SNX29: variants seen among roughly 807,000 people sequenced by gnomAD.
SNX29 encodes the protein sorting nexin-29.
In SNX29, 78 loss-of-function variants were observed where a neutral mutation model predicts 102.1. The observed-to-expected ratio is 0.76, with a 90% CI of 0.64 to 0.92. The LOEUF is 0.92. SNX29 is among the 40% of genes least tolerant of loss of function. The pLI is 0.00. For synonymous variants in SNX29, 580 were observed against 414.5 expected, an observed-to-expected ratio of 1.40 and a Z score of -4.85; for missense variants, 1,280 against 1,061.7, an observed-to-expected ratio of 1.21 and a Z score of -2.86.
intron 20 of SNX29, among the ~76,000 whole-genome samples, chr16:12,532,801 G>A (rs943353831): frequency 2.0e-5 from 3 of 152,170 alleles, no homozygotes; most frequent in African/African-American, 7.2e-5. Flanking sequence ...GAGGAGGTGC[G>A]AAAGCTGAAG....
intron 19 of SNX29, among the ~76,000 whole-genome samples, chr16:12,498,707 A>G (rs1348176175): frequency 1.3e-5 from 2 of 152,262 alleles, no homozygotes; most frequent in African/African-American, 4.8e-5. Flanking sequence ...AGCATAAAAG[A>G]GATTCAACTC....
chr16:12,240,095 T>C lies in SNX29; in HGVS notation c.1679-37838T>C, dbSNP rs150954461. Among the ~76,000 whole-genome samples the C allele has an allele frequency of 6.8e-3, 1,041 of 152,370 alleles. 16 individuals are homozygous for C. The highest frequency in any genetic ancestry group is 0.023 in the African/African-American group (975 of 41,588). On this transcript the variant is annotated intron_variant, in intron 14 of 20. Coordinates refer to ENST00000566228, the MANE Select transcript of SNX29 (RefSeq NM_032167.5). The stretch of plus-strand genomic sequence containing the variant: ...TGTGTCTTTAAATATTATCTCTGAA[T>C]GGCCTTAACGGCCGCATGATGTCTC...
intron 1 of SNX29, among the ~76,000 whole-genome samples, chr16:11,998,850 A>G (rs2056182061): frequency 6.6e-6 from 1 of 152,178 alleles, no homozygotes; most frequent in Admixed American, 6.5e-5. Flanking sequence ...TGATAGTGAG[A>G]ACAGCCAGTG....
At chr16:12,537,352 C>G (rs931875516) in intron 20 of SNX29, among the ~76,000 whole-genome samples, 5 of 152,190 alleles carry the variant, frequency 3.3e-5, no homozygotes, top group African/African-American at 1.2e-4. Context: ...TACAGGAGCT[C>G]ATTGGCAACT....
intron 1 of SNX29, among the ~76,000 whole-genome samples, chr16:11,983,131 A>G (rs961740414): frequency 6.6e-6 from 1 of 151,286 alleles, no homozygotes; most frequent in East Asian, 2.0e-4. Flanking sequence ...GGGTTTTGCC[A>G]TGTTGTGCAG....
rs117978424 is a variant in SNX29 at position 12,544,632 on chromosome 16, G to A, written c.2318+19791G>A. Among the ~76,000 whole-genome samples, 57 of 152,330 alleles carry A rather than the reference G, an allele frequency of 3.7e-4. No homozygotes were observed. In the East Asian group the frequency reaches 0.011, roughly 29 times the overall value. On this transcript the variant is annotated intron_variant, in intron 20 of 20. Coordinates refer to ENST00000566228, the MANE Select transcript of SNX29 (RefSeq NM_032167.5). ...GACTCTGCGTCATGCCTTGGGATCG[G>A]CAGGTTCATGTCAGACTGTTTACTT...
At chr16:12,418,713 C>T (rs1156795876) in intron 18 of SNX29, among the ~76,000 whole-genome samples, 1 of 152,120 alleles carries the variant, frequency 6.6e-6, no homozygotes, top group African/African-American at 2.4e-5. Flanking sequence ...CGGGGTTTTG[C>T]CCTGTTGGTT....
intron 19 of SNX29, among the ~76,000 whole-genome samples, chr16:12,493,836 C>G (rs1429250365): frequency 1.3e-5 from 2 of 152,214 alleles, no homozygotes; most frequent in Non-Finnish European, 2.9e-5. Context: ...AGATGATCCA[C>G]CCGCCTCGGC....
chr16:12,328,797 G>T (rs1567443443), intron 15 of SNX29, among the ~76,000 whole-genome samples: 1 of 151,968 alleles, frequency 6.6e-6, no homozygotes, highest in Non-Finnish European at 1.5e-5. Flanking sequence ...TTCTTTAAAT[G>T]ATTTAGGCAA....
At position 12,571,266 on chromosome 16, in the gene SNX29, G is replaced by A. The variant is rs759256422; in HGVS notation, c.*2637G>A. 5 of 232,126 alleles carry A rather than the reference G, an allele frequency of 2.2e-5. No individual in the cohort carries two copies. The highest frequency in any genetic ancestry group is 4.3e-5 in the Non-Finnish European group (5 of 117,362). 14.4% of individuals were successfully genotyped at this position (232,126 alleles called of 1,614,324 possible). On this transcript the variant is annotated 3_prime_UTR_variant, in exon 21 of 21. Coordinates refer to ENST00000566228, the MANE Select transcript of SNX29 (RefSeq NM_032167.5). ...AGAAACACCCAGGCCTAGCAGAATT[G>A]TGGCTGAAACCTGGTGCCCAAATTC...
intron 11 of SNX29, among the ~76,000 whole-genome samples, chr16:12,100,018 G>A (rs928407107): frequency 6.6e-6 from 1 of 152,134 alleles, no homozygotes; most frequent in Non-Finnish European, 1.5e-5. Flanking sequence ...TACTGTTATC[G>A]CCTCTCTCTC....
intron 1 of SNX29, among the ~76,000 whole-genome samples, chr16:11,989,453 C>G (rs184328060): frequency 6.6e-6 from 1 of 152,194 alleles, no homozygotes. Flanking sequence ...CCACTTCACC[C>G]TACAATACTG....
chr16:12,500,468 C>T (rs1856275199), intron 19 of SNX29, among the ~76,000 whole-genome samples: 2 of 152,224 alleles, frequency 1.3e-5, no homozygotes, highest in Non-Finnish European at 2.9e-5. Flanking sequence ...TCTGTAACCT[C>T]CACGGGCTCC....
chr16:12,496,529 T>TTTTC (rs1384093862), intron 19 of SNX29, among the ~76,000 whole-genome samples: 23 of 139,860 alleles, frequency 1.6e-4, no homozygotes, highest in African/African-American at 5.5e-4. Flanking sequence ...TTTTTTTTTT[T>TTTTC]AAACCTAGTC....
intron 13 of SNX29, among the ~76,000 whole-genome samples, chr16:12,168,330 A>G (rs1463691698): frequency 6.6e-6 from 1 of 152,216 alleles, no homozygotes; most frequent in Non-Finnish European, 1.5e-5. Flanking sequence ...GTGAGCAACC[A>G]TGACCTAGAG....
chr16:12,152,422 C>T (rs865961707), intron 13 of SNX29, among the ~76,000 whole-genome samples: 8 of 152,120 alleles, frequency 5.3e-5, no homozygotes, highest in Non-Finnish European at 2.9e-5. Flanking sequence ...CTCAGATGGG[C>T]ATGTGGGGAG....
At chr16:12,530,862 C>G (rs1414534108) in intron 20 of SNX29, among the ~76,000 whole-genome samples, 2 of 152,140 alleles carry the variant, frequency 1.3e-5, no homozygotes, top group African/African-American at 4.8e-5. Flanking sequence ...GGCCACCTTT[C>G]TTAATTTAAT....
intron 20 of SNX29, among the ~76,000 whole-genome samples, chr16:12,543,830 G>T (rs557599163): frequency 3.3e-5 from 5 of 152,200 alleles, no homozygotes; most frequent in African/African-American, 1.2e-4. Flanking sequence ...GGACACCTTC[G>T]TATTTGGAAG....
chr16:12,079,336 A>G (rs1470442355), intron 11 of SNX29, among the ~76,000 whole-genome samples: 1 of 152,186 alleles, frequency 6.6e-6, no homozygotes, highest in South Asian at 2.1e-4. Flanking sequence ...CAACTTTACT[A>G]CCTAGAAAAA....
Sources: gnomAD v4.1 joint callset for allele counts (sites outside exome capture counted in the v4.1 genomes callset) on GRCh38, gnomAD v4.1.1 for gene constraint, MANE v1.5 for transcripts, NCBI Gene and HGNC (gene_info 2026-07-23, HGNC 2026-07-21) for gene names.